TBC1D32: variants seen among roughly 807,000 people sequenced by gnomAD.
The protein encoded by TBC1D32 is protein broad-minded.
TBC1D32 carries 151 observed loss-of-function variants against 170.3 expected under a neutral mutation model. The ratio of observed to expected loss-of-function variants is 0.89; its 90% CI spans 0.78 to 1.01. The LOEUF (loss-of-function observed/expected upper bound fraction) is 1.01, where lower values mean the gene tolerates loss of function less well. Ranked by LOEUF, TBC1D32 falls within the 50% of genes least tolerant of loss-of-function variation. The pLI is 0.00. For missense variants in TBC1D32, 1,464 were observed against 1,457.1 expected, an observed-to-expected ratio of 1.00 and a Z score of -0.08; for synonymous variants, 498 against 488.0, an observed-to-expected ratio of 1.02 and a Z score of -0.27.
intron 20 of TBC1D32, among the ~76,000 whole-genome samples, chr6:121,225,151 G>A (rs1794921260): frequency 6.6e-6 from 1 of 151,786 alleles, no homozygotes; most frequent in African/African-American, 2.4e-5. Flanking sequence ...AAAACTGGAG[G>A]GTTCATAGTC....
chr6:121,308,084 C>CA lies in TBC1D32; in HGVS notation c.581dup (p.Leu194PhefsTer11). On this transcript the variant is annotated frameshift_variant, in exon 5 of 32. Transcript: ENST00000398212. LOFTEE classifies it high-confidence loss of function. ...ATGGAGGAGCTGAACATAATGTTTG[C>CA]AAGGCTTCATATCTCACCTACAATT... 1 of 1,612,966 alleles carries CA rather than the reference C, an allele frequency of 6.2e-7. No homozygotes were observed. Among genetic ancestry groups the CA allele is most frequent in the Non-Finnish European group, 8.5e-7 (1 of 1,179,686 alleles).
intron 30 of TBC1D32, among the ~76,000 whole-genome samples, chr6:121,094,476 T>C (rs773944168): frequency 6.6e-6 from 1 of 152,140 alleles, no homozygotes; most frequent in African/African-American, 2.4e-5. Context: ...CACTTCTGTA[T>C]TTTTATAAAG....
intron 24 of TBC1D32, among the ~76,000 whole-genome samples, chr6:121,151,512 T>C (rs1727925788): frequency 6.6e-6 from 1 of 152,194 alleles, no homozygotes; most frequent in African/African-American, 2.4e-5. Flanking sequence ...AGATGTCTAT[T>C]AGATCTGCTT....
intron 12 of TBC1D32, among the ~76,000 whole-genome samples, chr6:121,285,282 C>T (rs1006844822): frequency 1.3e-5 from 2 of 152,122 alleles, no homozygotes; most frequent in African/African-American, 4.8e-5. Context: ...AATCAAAGGG[C>T]AAAAGTGCAT....
chr6:121,172,785 G>A (rs114794711), intron 22 of TBC1D32, among the ~76,000 whole-genome samples: 50 of 152,204 alleles, frequency 3.3e-4, no homozygotes, highest in East Asian at 1.5e-3. Flanking sequence ...ATCATGTGAC[G>A]TAGAGTTATT....
chr6:121,206,320 C>T (rs1792268400), intron 21 of TBC1D32, among the ~76,000 whole-genome samples: 1 of 151,932 alleles, frequency 6.6e-6, no homozygotes, highest in African/African-American at 2.4e-5. Flanking sequence ...ATATATATCT[C>T]TCTCATTGCT....
At chr6:121,175,074 G>T (rs1787587510) in intron 22 of TBC1D32, among the ~76,000 whole-genome samples, 1 of 151,278 alleles carries the variant, frequency 6.6e-6, no homozygotes, top group Non-Finnish European at 1.5e-5. Flanking sequence ...TTATGATGTA[G>T]AGTAAAAGAA....
chr6:121,172,963 C>T (rs1309058837), intron 22 of TBC1D32, among the ~76,000 whole-genome samples: 1 of 152,056 alleles, frequency 6.6e-6, no homozygotes, highest in African/African-American at 2.4e-5. Flanking sequence ...TATGAGCTCA[C>T]ACTGACGAAG....
At chr6:121,157,926 C>T (rs1785119411) in intron 24 of TBC1D32, among the ~76,000 whole-genome samples, 2 of 152,052 alleles carry the variant, frequency 1.3e-5, no homozygotes. Flanking sequence ...TCTCTAGCTG[C>T]CTTTAAGTTT....
chr6:121,233,355 G>T (rs1010154403), intron 20 of TBC1D32, among the ~76,000 whole-genome samples: 3 of 151,946 alleles, frequency 2.0e-5, no homozygotes, highest in African/African-American at 7.3e-5. Context: ...CATTTCTTAG[G>T]TCTACTAGTA....
At chr6:121,235,807 G>A (rs2128348786) in intron 20 of TBC1D32, among the ~76,000 whole-genome samples, 1 of 152,330 alleles carries the variant, frequency 6.6e-6, no homozygotes, top group East Asian at 1.9e-4. Context: ...AGTTCTTGAA[G>A]CAACAGTTCA....
intron 22 of TBC1D32, among the ~76,000 whole-genome samples, chr6:121,194,088 A>AG (rs1554264189): frequency 1.0e-4 from 15 of 145,360 alleles, no homozygotes; most frequent in South Asian, 9.6e-4. Flanking sequence ...CATTGATTCC[A>AG]GGGAAAAAAA....
At chr6:121,142,695 A>C (rs1286145178) in intron 24 of TBC1D32, among the ~76,000 whole-genome samples, 2 of 152,158 alleles carry the variant, frequency 1.3e-5, no homozygotes, top group South Asian at 4.1e-4. Flanking sequence ...TTAATTTTCT[A>C]TATGGAAGTT....
chr6:121,104,446 C>T (rs1778480806), intron 30 of TBC1D32, among the ~76,000 whole-genome samples: 1 of 151,572 alleles, frequency 6.6e-6, no homozygotes, highest in African/African-American at 2.4e-5. Flanking sequence ...TTAACGATAA[C>T]ATGCTGGATA....
At chr6:121,330,869 G>T (rs1031327752) in intron 1 of TBC1D32, among the ~76,000 whole-genome samples, 1 of 152,106 alleles carries the variant, frequency 6.6e-6, no homozygotes, top group Non-Finnish European at 1.5e-5. Flanking sequence ...TGAAAGCAAC[G>T]TACTCTTCTC....
intron 29 of TBC1D32, among the ~76,000 whole-genome samples, chr6:121,109,495 C>A: frequency 6.6e-6 from 1 of 151,916 alleles, no homozygotes; most frequent in East Asian, 1.9e-4. Context: ...TTAATTTATT[C>A]TTTGAAATTA....
intron 24 of TBC1D32, among the ~76,000 whole-genome samples, chr6:121,132,142 T>C (rs1781501387): frequency 6.6e-6 from 1 of 152,030 alleles, no homozygotes; most frequent in Non-Finnish European, 1.5e-5. Flanking sequence ...CAATTTTTTA[T>C]TCACTTCTTT....
intron 30 of TBC1D32, among the ~76,000 whole-genome samples, chr6:121,100,330 T>C (rs753138761): frequency 3.0e-4 from 45 of 152,054 alleles, no homozygotes; most frequent in East Asian, 1.2e-3. Flanking sequence ...CTTTTTAACT[T>C]TCTGTCTCAT....
At chr6:121,259,662 A>G (rs1392496620) in intron 15 of TBC1D32, among the ~76,000 whole-genome samples, 1 of 152,196 alleles carries the variant, frequency 6.6e-6, no homozygotes, top group African/African-American at 2.4e-5. Flanking sequence ...TCAAAATAAC[A>G]AGCAGTAATT....
Sources: allele counts gnomAD v4.1 joint callset (sites outside exome capture counted in the v4.1 genomes callset), GRCh38; gene constraint gnomAD v4.1.1; transcripts MANE v1.5; gene names NCBI Gene and HGNC (gene_info 2026-07-23, HGNC 2026-07-21).